LYPLA1: variants seen among roughly 807,000 people sequenced by gnomAD.
LYPLA1 encodes lysophospholipase 1.
Under a neutral mutation model 34.0 loss-of-function variants are expected in LYPLA1, and 17 were observed. The observed-to-expected ratio is 0.50, with a 90% confidence interval of 0.34 to 0.75. LYPLA1 has a LOEUF of 0.75. Ranked by LOEUF, LYPLA1 falls within the 30% of genes least tolerant of loss-of-function variation. The pLI, the probability that LYPLA1 is intolerant of heterozygous loss-of-function variation, is 0.01. For synonymous variants in LYPLA1, 98 were observed against 100.8 expected, an observed-to-expected ratio of 0.97 and a Z score of 0.17; for missense variants, 203 against 288.8, an observed-to-expected ratio of 0.70 and a Z score of 2.15.
chr8:54,095,745 T>C (rs2129370650), intron 2 of LYPLA1, among the ~76,000 whole-genome samples: 1 of 151,552 alleles, frequency 6.6e-6, no homozygotes, highest in African/African-American at 2.4e-5. Flanking sequence ...GTAACTGGCT[T>C]ACACTTTTTT....
At chr8:54,043,072 AC>A (rs1264119687), downstream of LYPLA1, 1 of 152,074 alleles carries the variant, frequency 6.6e-6, no homozygotes, top group African/African-American at 2.4e-5. Context: ...CACAAATAAC[AC>A]TTGTCCAGAG....
At chr8:54,058,118 A>T (rs1366881727) in intron 5 of LYPLA1, among the ~76,000 whole-genome samples, 2 of 152,198 alleles carry the variant, frequency 1.3e-5, no homozygotes, top group East Asian at 3.8e-4. Flanking sequence ...AGGCATTTGT[A>T]CCTAAAAGTT....
At chr8:54,080,862 A>G (rs1217954928) in intron 2 of LYPLA1, among the ~76,000 whole-genome samples, 1 of 152,234 alleles carries the variant, frequency 6.6e-6, no homozygotes, top group African/African-American at 2.4e-5. Flanking sequence ...TGTTGGGATT[A>G]CAGGCGTAAG....
intron 2 of LYPLA1, among the ~76,000 whole-genome samples, chr8:54,080,060 T>C (rs1165653603): frequency 6.6e-6 from 1 of 152,148 alleles, no homozygotes; most frequent in Non-Finnish European, 1.5e-5. Flanking sequence ...GTTTTGGGAC[T>C]ACACAGCCAC....
chr8:54,063,238 C>A, intron 4 of LYPLA1, 90 bp downstream of exon 4: 1 of 807,914 alleles, frequency 1.2e-6, no homozygotes, highest in Non-Finnish European at 1.9e-6. Flanking sequence ...TAAAAAACAG[C>A]TAAATAAAAA....
intron 8 of LYPLA1, 108 bp downstream of exon 8, chr8:54,050,904 A>G (rs1220966965): frequency 1.7e-6 from 2 of 1,157,900 alleles, no homozygotes; most frequent in Non-Finnish European, 1.2e-6. Flanking sequence ...ATGACTCAAT[A>G]TGAATTAACT....
At chr8:54,085,667 G>A (rs1035001230) in intron 2 of LYPLA1, among the ~76,000 whole-genome samples, 3 of 149,430 alleles carry the variant, frequency 2.0e-5, no homozygotes, top group South Asian at 2.1e-4. Context: ...CTGCCCCGCC[G>A]TCACCCCGTC....
At chr8:54,060,157 C>T (rs1402734172) in intron 5 of LYPLA1, among the ~76,000 whole-genome samples, 4 of 151,640 alleles carry the variant, frequency 2.6e-5, no homozygotes, top group African/African-American at 9.7e-5. Flanking sequence ...CGGAGTTTCA[C>T]TCTTGTTGCC....
downstream of LYPLA1, among the ~76,000 whole-genome samples, chr8:54,044,551 C>A (rs1805436078): frequency 6.6e-6 from 1 of 152,000 alleles, no homozygotes; most frequent in South Asian, 2.1e-4. Context: ...CCAAAACAGG[C>A]AAGTTTCCCT....
intron 8 of LYPLA1, among the ~76,000 whole-genome samples, chr8:54,049,002 C>T (rs149238926): frequency 2.0e-5 from 3 of 152,330 alleles, no homozygotes; most frequent in Non-Finnish European, 4.4e-5. Flanking sequence ...AACAGCTGCT[C>T]TAGAGACCTT....
intron 2 of LYPLA1, among the ~76,000 whole-genome samples, chr8:54,097,451 G>A (rs568201390): frequency 2.8e-4 from 43 of 152,214 alleles, no homozygotes; most frequent in Non-Finnish European, 5.7e-4. Flanking sequence ...CTAAAGAGAC[G>A]TGATAACTAA....
chr8:54,078,722 G>GT (rs1229170607), intron 2 of LYPLA1, among the ~76,000 whole-genome samples: 1 of 152,226 alleles, frequency 6.6e-6, no homozygotes, highest in Non-Finnish European at 1.5e-5. Flanking sequence ...TTGCCCTGAG[G>GT]TAAGTCTGAA....
intron 8 of LYPLA1, among the ~76,000 whole-genome samples, chr8:54,049,642 T>C (rs893847709): frequency 2.6e-5 from 4 of 152,210 alleles, no homozygotes; most frequent in African/African-American, 4.8e-5. Context: ...TTAATTCTAT[T>C]CTATGATCCC....
intron 2 of LYPLA1, among the ~76,000 whole-genome samples, chr8:54,066,120 G>A (rs564858203): frequency 1.3e-5 from 2 of 152,172 alleles, no homozygotes; most frequent in East Asian, 3.9e-4. Flanking sequence ...CTAATTTTTA[G>A]TAGAGACGGG....
intron 2 of LYPLA1, among the ~76,000 whole-genome samples, chr8:54,089,496 G>GGC (rs1322138315): frequency 6.9e-6 from 1 of 145,512 alleles, no homozygotes; most frequent in Admixed American, 6.7e-5. Context: ...CATCCCTGGG[G>GGC]GGGGGCGGGA....
chr8:54,054,783 T>C (rs777284832), intron 6 of LYPLA1: 5 of 299,860 alleles, frequency 1.7e-5, no homozygotes, highest in East Asian at 7.2e-5. Flanking sequence ...TCTCCTCCTA[T>C]AGAGGGGACT....
intron 2 of LYPLA1, among the ~76,000 whole-genome samples, chr8:54,085,132 G>A (rs1481282595): frequency 6.6e-6 from 1 of 152,182 alleles, no homozygotes; most frequent in Non-Finnish European, 1.5e-5. Context: ...TGCCGAAGGC[G>A]CGCACTGCCA....
At chr8:54,101,342 C>G in intron 1 of LYPLA1, 1 of 1,071,692 alleles carries the variant, frequency 9.3e-7, no homozygotes, top group Non-Finnish European at 1.1e-6. Context: ...AAAAACAGTA[C>G]GTCTGACCTT....
chr8:54,061,839 GT>G (rs973824799), intron 5 of LYPLA1, among the ~76,000 whole-genome samples: 1 of 151,772 alleles, frequency 6.6e-6, no homozygotes, highest in Non-Finnish European at 1.5e-5. Context: ...GATAAATGTG[GT>G]TTTTTTTGGT....
Sources: allele counts gnomAD v4.1 joint callset (sites outside exome capture counted in the v4.1 genomes callset), GRCh38; gene constraint gnomAD v4.1.1; transcripts MANE v1.5; gene names NCBI Gene and HGNC (gene_info 2026-07-23, HGNC 2026-07-21).